The following USP43 variants were observed in gnomAD, a reference collection of about 807,000 sequenced individuals.
The protein encoded by USP43 is ubiquitin carboxyl-terminal hydrolase 43.
In USP43, 33 loss-of-function variants were observed where a neutral mutation model predicts 90.7. The observed-to-expected ratio is 0.36, with a 90% confidence interval of 0.28 to 0.49. USP43 has a LOEUF of 0.49. USP43 is among the 20% of genes least tolerant of loss of function. USP43 has a pLI of 0.98. For synonymous variants in USP43, 598 were observed against 615.8 expected (o/e 0.97, Z 0.43); for missense variants, 1,274 against 1,476.4 (o/e 0.86, Z 2.25).
intron 8 of USP43, among the ~76,000 whole-genome samples, chr17:9,692,088 G>A (rs975694696): frequency 2.0e-5 from 3 of 151,412 alleles, no homozygotes; most frequent in Admixed American, 6.6e-5. Context: ...GCTGGACGTG[G>A]TGGCTCATGC....
At position 9,656,498 on chromosome 17, in the gene USP43, C is replaced by T. The variant is rs773077751; in HGVS notation, c.600C>T (p.Asp200=). The change falls in exon 2 of 15, where the codon GAC becomes GAT. Residue 200 remains aspartate (D), a synonymous_variant. Coordinates refer to ENST00000285199, the MANE Select transcript of USP43 (RefSeq NM_153210.5). ...LLWLLDRVHE[D]LEGSSRGPVS... is the part of the protein sequence containing the mutation. ...GGTTGCTGGATCGTGTACATGAGGA[C>T]CTGGAGGGTTCATCCCGAGGGCCGG... 3 of 1,611,140 alleles carry T rather than the reference C, an allele frequency of 1.9e-6. No individual in the cohort carries two copies. The Admixed American group carries it at 5.0e-5, about 27-fold the overall frequency.
intron 1 of USP43, among the ~76,000 whole-genome samples, chr17:9,652,234 A>AAAAAAAAAAAAAAAG (rs61023073): frequency 6.7e-6 from 1 of 149,682 alleles, no homozygotes; most frequent in African/African-American, 2.5e-5. Context: ...AAAAAAGAAA[A>AAAAAAAAAAAAAAAG]GAAAAGAAAG....
chr17:9,697,990 G>A (rs1915375733), intron 9 of USP43, among the ~76,000 whole-genome samples: 1 of 152,012 alleles, frequency 6.6e-6, no homozygotes, highest in Non-Finnish European at 1.5e-5. Context: ...CTTCATCCTT[G>A]CCAATATCTG....
intron 2 of USP43, among the ~76,000 whole-genome samples, chr17:9,656,941 C>A (rs1383219854): frequency 1.3e-5 from 2 of 152,172 alleles, no homozygotes; most frequent in African/African-American, 4.8e-5. Context: ...AACTGTTAAA[C>A]TTTTCCTCTC....
At position 9,645,681 on chromosome 17, in the gene USP43, C is replaced by G; in HGVS notation, c.49C>G (p.Arg17Gly). ...DAAGGGPLAP[R>G]PRRRRSLRRL... The stretch of plus-strand genomic sequence containing the variant: ...GGCAGGAGGGGGACCGCTCGCGCCC[C>G]GGCCCCGCCGCCGCCGCTCCCTGCG... The change falls in exon 1 of 15, where the codon CGG becomes GGG. Residue 17 changes from arginine (R) to glycine (G), a missense_variant. Transcript: ENST00000285199. This position sits in a 1 kb window ranked among gnomAD's most constrained non-coding sequence, Gnocchi z 6.8. 6 of 1,284,870 alleles carry G rather than the reference C, an allele frequency of 4.7e-6. No individual in the cohort carries two copies. Among genetic ancestry groups the G allele is most frequent in the Middle Eastern group, 3.0e-4 (1 of 3,294 alleles). 79.6% of individuals were successfully genotyped at this position (1,284,870 alleles called of 1,614,324 possible). A position where few individuals can be genotyped will look rare whatever the true frequency, so the allele number is the denominator to read the frequency against.
rs1220081573 is a variant in USP43, at chr17:9,647,882, G to A, written c.504+1746G>A. 3.3e-5 allele frequency among the ~76,000 whole-genome samples: 5 copies of A among 150,768 alleles called. 1 individual carries two copies. Among genetic ancestry groups the A allele is most frequent in the South Asian group, 4.2e-4 (2 of 4,798 alleles). ...AAAAAAAAAAAAAAATTAGCCGGAC[G>A]TGGTGGCGGGCGCCTGTAGTCCCAG... On this transcript the variant is annotated intron_variant, in intron 1 of 14. Coordinates refer to ENST00000285199, the MANE Select transcript of USP43 (RefSeq NM_153210.5).
At chr17:9,662,768 T>C (rs12937815) in intron 2 of USP43, among the ~76,000 whole-genome samples, 4 of 152,058 alleles carry the variant, frequency 2.6e-5, no homozygotes, top group Non-Finnish European at 5.9e-5. Flanking sequence ...AACTGCCACC[T>C]ACACTGTGCT....
At chr17:9,656,206 C>A (rs1864408461) in intron 1 of USP43, among the ~76,000 whole-genome samples, 197 bp from the exon 2 acceptor site, 1 of 152,136 alleles carries the variant, frequency 6.6e-6, no homozygotes, top group South Asian at 2.1e-4. Context: ...TATACAGAGA[C>A]CCTCATACCA....
At chr17:9,722,749 C>A (rs1051195885) in intron 14 of USP43, among the ~76,000 whole-genome samples, 2 of 152,192 alleles carry the variant, frequency 1.3e-5, no homozygotes, top group Non-Finnish European at 2.9e-5. Flanking sequence ...GTCATTCCCC[C>A]CAAAATGAGA....
At chr17:9,696,377 G>A (rs976133229) in intron 9 of USP43, among the ~76,000 whole-genome samples, 10 of 151,930 alleles carry the variant, frequency 6.6e-5, no homozygotes, top group South Asian at 2.1e-4. Context: ...CAGGCAATCC[G>A]CCTGCCTCTG....
chr17:9,680,823 C>T lies in USP43; in HGVS notation c.1105+457C>T, dbSNP rs1034668098. Among the ~76,000 whole-genome samples the T allele has an allele frequency of 4.0e-5, 6 of 151,750 alleles. No homozygotes were observed. The Admixed American group carries it at 4.0e-4, about 10-fold the overall frequency. On this transcript the variant is annotated intron_variant, in intron 6 of 14. Coordinates refer to ENST00000285199, the MANE Select transcript of USP43 (RefSeq NM_153210.5). Reference sequence around the variant, plus strand: ...GAAGTAAAATGTCTACAAATTTGAGCAGTACGTGGTTAAAGTTTTATTAAA... The same window carrying T: ...GAAGTAAAATGTCTACAAATTTGAGTAGTACGTGGTTAAAGTTTTATTAAA...
rs1248470002 is a variant in USP43 at position 9,720,337 on chromosome 17, AAAAG to A, written c.2336-7605_2336-7602del. Among the ~76,000 whole-genome samples, 394 of 146,868 alleles carry A rather than the reference AAAAG, an allele frequency of 2.7e-3. 3 individuals are homozygous for A. The highest frequency in any genetic ancestry group is 0.015 in the East Asian group (66 of 4,508). ...ACTCCATCTCAAAAAAAAAAAAAAA[AAAAG>A]AAAGAAAGAAAAGAAAAATCCAGCT... On this transcript the variant is annotated intron_variant, in intron 14 of 14. Coordinates refer to ENST00000285199, the MANE Select transcript of USP43 (RefSeq NM_153210.5).
At chr17:9,683,817 C>T (rs574799316) in intron 7 of USP43, among the ~76,000 whole-genome samples, 1 of 152,044 alleles carries the variant, frequency 6.6e-6, no homozygotes, top group African/African-American at 2.4e-5. Flanking sequence ...ACTTTTTACT[C>T]CTGCTATGAA....
chr17:9,692,468 G>A (rs1915017574), intron 8 of USP43, among the ~76,000 whole-genome samples: 1 of 152,086 alleles, frequency 6.6e-6, no homozygotes, highest in African/African-American at 2.4e-5. Flanking sequence ...TCTTTTCATG[G>A]GCTTCTTGGC....
Position 9,667,780 on chromosome 17 carries a change from G to T in USP43, c.740+1029G>T, listed in dbSNP as rs560455359. ...GATGCTTGCCTGTGTGTGTATATGT[G>T]TGTGTGCATGTGTGCGTGCACGTGT... On this transcript the variant is annotated intron_variant, in intron 3 of 14. Transcript: ENST00000285199. 2.6e-5 allele frequency among the ~76,000 whole-genome samples: 4 copies of T among 152,296 alleles called. No homozygotes were observed. The East Asian group carries it at 7.7e-4, about 29-fold the overall frequency.
Position 9,709,991 on chromosome 17 carries a change from A to C in USP43, c.2047A>C (p.Ser683Arg), listed in dbSNP as rs764527768. ...GAACTCTCTGGATGGCCAGTGGTAC[A>C]GTTATGATGACAGCACGGTGGAACC... ...CRNSLDGQWY[S>R]YDDSTVEPLR... is the part of the protein sequence containing the mutation. Residue 683 changes from serine (S) to arginine (R), a missense_variant, in exon 13 of 15, where the codon AGT becomes CGT. Around this residue, in one of 6 missense-constraint regions of USP43, gnomAD observed 285 missense variants for 349.6 expected, o/e 0.82. Coordinates refer to ENST00000285199, the MANE Select transcript of USP43 (RefSeq NM_153210.5). This position sits in a 1 kb window ranked among gnomAD's most constrained non-coding sequence, Gnocchi z 5.0. 3 of 1,543,446 alleles carry C rather than the reference A, an allele frequency of 1.9e-6. No homozygotes were observed. Among genetic ancestry groups the C allele is most frequent in the Non-Finnish European group, 8.7e-7 (1 of 1,144,374 alleles).
chr17:9,665,553 A>G (rs1418593662), intron 2 of USP43, among the ~76,000 whole-genome samples: 1 of 152,122 alleles, frequency 6.6e-6, no homozygotes, highest in East Asian at 1.9e-4. Context: ...CCATGATCCA[A>G]TCACCTCCCA....
At chr17:9,694,782 C>T (rs147210823) in intron 9 of USP43, among the ~76,000 whole-genome samples, 2 of 152,212 alleles carry the variant, frequency 1.3e-5, no homozygotes, top group Non-Finnish European at 1.5e-5. Context: ...CGCCATCACG[C>T]CTGGCTAATT....
At position 9,646,035 on chromosome 17, in the gene USP43, CG is replaced by C; in HGVS notation, c.406del (p.Ala136ArgfsTer98). On this transcript the variant is annotated frameshift_variant, in exon 1 of 15. Coordinates refer to ENST00000285199, the MANE Select transcript of USP43 (RefSeq NM_153210.5). LOFTEE classifies it high-confidence loss of function. The stretch of plus-strand genomic sequence containing the variant: ...CGAGTTCCTGGCGCTGGGGCGCTAC[CG>C]GGCGGCTCCGGGCCGCGCCGAGGTC... The part of the protein sequence containing the change: ...LAEFLALGRY[R>X]AAPGRAEVTE... The C allele has an allele frequency of 6.7e-7, 1 of 1,490,828 alleles. No individual in the cohort carries two copies. Among genetic ancestry groups the C allele is most frequent in the Non-Finnish European group, 8.9e-7 (1 of 1,122,226 alleles). The allele number at this position is 1,490,828 out of a possible 1,614,324, so 92.3% of individuals were successfully genotyped here. A position where few individuals can be genotyped will look rare whatever the true frequency, so the allele number is the denominator to read the frequency against.
Sources: allele counts gnomAD v4.1 joint callset (sites outside exome capture counted in the v4.1 genomes callset), GRCh38; gene constraint gnomAD v4.1.1; regional missense constraint gnomAD v4.1.1; non-coding constraint Gnocchi (gnomAD v3.1); transcripts MANE v1.5; gene names NCBI Gene and HGNC (gene_info 2026-07-23, HGNC 2026-07-21).